HOOK1: variants seen among roughly 807,000 people sequenced by gnomAD.
HOOK1 encodes the protein protein Hook homolog 1.
HOOK1 carries 60 observed loss-of-function variants against 112.8 expected under a neutral mutation model. The ratio of observed to expected loss-of-function variants is 0.53; its 90% confidence interval spans 0.43 to 0.66. The LOEUF (loss-of-function observed/expected upper bound fraction) is 0.66. HOOK1 is among the 30% of genes least tolerant of loss of function. HOOK1 has a pLI of 0.00. For synonymous variants in HOOK1, 294 were observed against 283.8 expected (o/e 1.04, Z -0.36); for missense variants, 770 against 856.0 (o/e 0.90, Z 1.25).
chr1:59,844,632 A>C (rs531944771), intron 9 of HOOK1, among the ~76,000 whole-genome samples: 1 of 151,968 alleles, frequency 6.6e-6, no homozygotes, highest in Non-Finnish European at 1.5e-5. Context: ...TCTACTAAAA[A>C]CCTTTTCAGG....
At chr1:59,822,446 A>G (rs2098386334) in intron 2 of HOOK1, among the ~76,000 whole-genome samples, 1 of 152,248 alleles carries the variant, frequency 6.6e-6, no homozygotes, top group South Asian at 2.1e-4. Flanking sequence ...GAAATGAGGA[A>G]TGAATGAAAT....
intron 3 of HOOK1, among the ~76,000 whole-genome samples, chr1:59,829,341 A>G (rs889650424): frequency 6.6e-6 from 1 of 152,032 alleles, no homozygotes; most frequent in Admixed American, 6.6e-5. Flanking sequence ...ATTTTTGACT[A>G]TTGTGAATAC....
At chr1:59,858,345 CTAGT>C (rs2098411760) in intron 12 of HOOK1, 79 bp from the exon 13 acceptor site, 3 of 851,638 alleles carry the variant, frequency 3.5e-6, no homozygotes, top group Middle Eastern at 2.9e-4. Flanking sequence ...AATTATTAAA[CTAGT>C]TAAGATAAAT....
At chr1:59,840,264 G>T (rs1394285099) in intron 7 of HOOK1, 44 bp from the exon 8 acceptor site, 1 of 1,365,578 alleles carries the variant, frequency 7.3e-7, no homozygotes. Flanking sequence ...CTATATTTGT[G>T]TCAAAACACG....
chr1:59,865,926 A>T lies in HOOK1; in HGVS notation c.1799A>T (p.Lys600Ile). The T allele has an allele frequency of 6.3e-7, 1 of 1,598,704 alleles. No homozygotes were observed. Residue 600 changes from lysine to isoleucine, a missense_variant, in exon 19 of 22, where the codon AAA becomes ATA. By Grantham distance (102) the Lys-to-Ile change is moderately radical. Coordinates refer to ENST00000371208, the MANE Select transcript of HOOK1 (RefSeq NM_015888.6). ...CTTCAGAAGAAAGATGAAGATATGA[A>T]AGCAATGGAGGAAAGATATAAAATG... The part of the protein sequence containing the change: ...AALQKKDEDM[K>I]AMEERYKMYL...
intron 1 of HOOK1, among the ~76,000 whole-genome samples, chr1:59,818,652 A>C (rs1401993932): frequency 6.6e-6 from 1 of 152,248 alleles, no homozygotes; most frequent in Admixed American, 6.5e-5. Context: ...AGAAGGTTGG[A>C]CCAAATATAT....
chr1:59,836,640 A>G (rs2098397877), intron 6 of HOOK1, among the ~76,000 whole-genome samples: 1 of 152,166 alleles, frequency 6.6e-6, no homozygotes, highest in African/African-American at 2.4e-5. Context: ...TATTTTGAAT[A>G]TATCTATGTA....
In HOOK1 at chr1:59,868,263, TG is replaced by T. The variant is rs1401061402; in HGVS notation, c.1861del (p.Asp621IlefsTer4). On this transcript the variant is annotated frameshift_variant, in exon 20 of 22. Transcript: ENST00000371208. LOFTEE classifies it high-confidence loss of function. The stretch of plus-strand genomic sequence containing the variant: ...TTCTTTAAACAGGTAATAAAAACTT[TG>T]GATCCCAAGTTAAATCCAGCATCAG... ...LEKARNVIKT[L>X]DPKLNPASAE... 6.3e-7 allele frequency: 1 copy of T among 1,598,030 alleles called. No individual in the cohort carries two copies. Among genetic ancestry groups the T allele is most frequent in the Admixed American group, 1.7e-5 (1 of 59,550 alleles).
chr1:59,852,545 T>TC (rs1196688774), intron 12 of HOOK1, among the ~76,000 whole-genome samples: 1 of 151,410 alleles, frequency 6.6e-6, no homozygotes, highest in Non-Finnish European at 1.5e-5. Context: ...TTTTTTTTTT[T>TC]CTTGGTTAGT....
At chr1:59,819,120 T>C (rs914507576) in intron 1 of HOOK1, among the ~76,000 whole-genome samples, 1 of 148,730 alleles carries the variant, frequency 6.7e-6, no homozygotes, top group Non-Finnish European at 1.5e-5. Context: ...TGCTTTGACC[T>C]CACTCGCCCC....
chr1:59,826,568 A>G (rs566003688), intron 2 of HOOK1, among the ~76,000 whole-genome samples: 11 of 152,326 alleles, frequency 7.2e-5, no homozygotes, highest in African/African-American at 2.2e-4. Flanking sequence ...TCTTGGAAAA[A>G]CTAGAGAAAA....
chr1:59,844,355 C>A (rs1032532707), intron 9 of HOOK1, among the ~76,000 whole-genome samples: 3 of 151,952 alleles, frequency 2.0e-5, no homozygotes, highest in Non-Finnish European at 4.4e-5. Flanking sequence ...AGAATGAGGA[C>A]ATTCTCTTAT....
At chr1:59,868,607 T>A (rs1374391924) in intron 20 of HOOK1, among the ~76,000 whole-genome samples, 1 of 152,268 alleles carries the variant, frequency 6.6e-6, no homozygotes, top group Non-Finnish European at 1.5e-5. Flanking sequence ...TGGCTATCCC[T>A]GACTTTCTAA....
At chr1:59,837,367 C>T (rs1436528132) in intron 7 of HOOK1, among the ~76,000 whole-genome samples, 1 of 152,088 alleles carries the variant, frequency 6.6e-6, no homozygotes, top group Non-Finnish European at 1.5e-5. Flanking sequence ...ACACTCTTCT[C>T]CCATTTATAA....
chr1:59,815,244 C>T (rs2101994608), intron 1 of HOOK1, 64 bp downstream of exon 1: 5 of 1,473,616 alleles, frequency 3.4e-6, no homozygotes, highest in Non-Finnish European at 4.6e-6. Flanking sequence ...CTGGGGCGCC[C>T]GGTTCTCCCA....
At chr1:59,856,777 T>A (rs972060629) in intron 12 of HOOK1, among the ~76,000 whole-genome samples, 21 of 152,160 alleles carry the variant, frequency 1.4e-4, no homozygotes, top group African/African-American at 5.1e-4. Context: ...TGTGACAGTA[T>A]GTGTGTTATA....
intron 1 of HOOK1, among the ~76,000 whole-genome samples, chr1:59,820,973 T>C (rs559366510): frequency 6.6e-6 from 1 of 152,294 alleles, no homozygotes; most frequent in South Asian, 2.1e-4. Flanking sequence ...ACTCTGAAAA[T>C]GCACAGAACC....
At chr1:59,862,040 C>T (rs1441901147) in intron 15 of HOOK1, among the ~76,000 whole-genome samples, 1 of 152,116 alleles carries the variant, frequency 6.6e-6, no homozygotes, top group Non-Finnish European at 1.5e-5. Context: ...TCTGAAGAGA[C>T]CATTACATAT....
intron 3 of HOOK1, among the ~76,000 whole-genome samples, chr1:59,830,821 T>G (rs1363415613): frequency 6.6e-6 from 1 of 152,118 alleles, no homozygotes; most frequent in Non-Finnish European, 1.5e-5. Context: ...CTTTCCTGCT[T>G]CTTCACATCT....
Sources: allele counts gnomAD v4.1 joint callset (sites outside exome capture counted in the v4.1 genomes callset), GRCh38; gene constraint gnomAD v4.1.1; transcripts MANE v1.5; gene names NCBI Gene and HGNC (gene_info 2026-07-23, HGNC 2026-07-21).